The following PRDM16 variants were observed in gnomAD, a reference collection of about 807,000 sequenced individuals.
The protein encoded by PRDM16 is histone-lysine N-methyltransferase PRDM16.
Under a neutral mutation model 110.6 loss-of-function variants are expected in PRDM16, and 23 were observed. The ratio of observed to expected loss-of-function variants is 0.21; its 90% CI spans 0.15 to 0.29. The LOEUF is 0.29. PRDM16 is among the 10% of genes least tolerant of loss of function. PRDM16 has a pLI of 1.00. For synonymous variants in PRDM16, 799 were observed against 781.8 expected (o/e 1.02, Z -0.37); for missense variants, 1,615 against 1,794.3 (o/e 0.90, Z 1.81).
rs1161444800 is a variant in PRDM16, at chr1:3,438,598, C to T, written c.*4787C>T. ...TGAATTTATACATGAGATTGATATG[C>T]AATAAATCTGTGTGCTTTTCTAAGC... On this transcript the variant is annotated 3_prime_UTR_variant, in exon 17 of 17. Transcript: ENST00000270722. 1.1e-5 allele frequency: 2 copies of T among 187,960 alleles called. No individual in the cohort carries two copies. Among genetic ancestry groups the T allele is most frequent in the Non-Finnish European group, 2.2e-5 (2 of 89,230 alleles). 11.6% of individuals were successfully genotyped at this position (187,960 alleles called of 1,614,324 possible). A position where few individuals can be genotyped will look rare whatever the true frequency, so the allele number is the denominator to read the frequency against.
At chr1:3,180,363 T>C (rs955699430) in intron 1 of PRDM16, among the ~76,000 whole-genome samples, 1 of 152,082 alleles carries the variant, frequency 6.6e-6, no homozygotes, top group African/African-American at 2.4e-5. Context: ...GTGGGTGTTC[T>C]TTCCACTGAA....
At chr1:3,199,856 C>T (rs1377389229) in intron 2 of PRDM16, among the ~76,000 whole-genome samples, 1 of 152,232 alleles carries the variant, frequency 6.6e-6, no homozygotes, top group Non-Finnish European at 1.5e-5. Context: ...CACCCTGTCT[C>T]AAGTCTGAGC....
At chr1:3,070,642 C>G (rs1364330449) in intron 1 of PRDM16, among the ~76,000 whole-genome samples, 1 of 151,680 alleles carries the variant, frequency 6.6e-6, no homozygotes, top group Non-Finnish European at 1.5e-5. Flanking sequence ...CCCTCCAGGC[C>G]GGCCTCGCAG....
intron 1 of PRDM16, among the ~76,000 whole-genome samples, chr1:3,102,520 C>G (rs1314043410): frequency 6.6e-6 from 1 of 152,206 alleles, no homozygotes; most frequent in Non-Finnish European, 1.5e-5. Context: ...GGCATCCCGG[C>G]CTAGACAGGA....
intron 3 of PRDM16, among the ~76,000 whole-genome samples, chr1:3,270,752 AGGAGGAGGACAGTCCT>A (rs1465405023): frequency 8.1e-5 from 9 of 110,760 alleles, no homozygotes; most frequent in Middle Eastern, 5.2e-3. Context: ...GATGACAGTC[AGGAGGAGGACAGTCCT>A]GGAGGAGGAC....
intron 2 of PRDM16, among the ~76,000 whole-genome samples, chr1:3,200,602 G>C (rs4288533): frequency 0.019 from 2,917 of 152,292 alleles, 47 homozygotes; most frequent in Middle Eastern, 0.051. Flanking sequence ...TCGGCCTCCC[G>C]AAGTGCTGGG....
At chr1:3,376,591 C>T (rs1022405971) in intron 3 of PRDM16, among the ~76,000 whole-genome samples, 1 of 152,212 alleles carries the variant, frequency 6.6e-6, no homozygotes, top group Non-Finnish European at 1.5e-5. Context: ...CAGAGACAAG[C>T]CCCAGACAGC....
At chr1:3,120,495 G>A (rs946561539) in intron 1 of PRDM16, among the ~76,000 whole-genome samples, 4 of 152,206 alleles carry the variant, frequency 2.6e-5, no homozygotes, top group African/African-American at 9.6e-5. Flanking sequence ...GTGTGCACCA[G>A]GTCATTTCTT....
chr1:3,186,842 C>T (rs1644274699), intron 2 of PRDM16, among the ~76,000 whole-genome samples: 1 of 152,226 alleles, frequency 6.6e-6, no homozygotes, highest in South Asian at 2.1e-4. Flanking sequence ...CACTCCAGGG[C>T]TTCATTCCAG....
intron 3 of PRDM16, among the ~76,000 whole-genome samples, chr1:3,285,614 C>T (rs985915446): frequency 4.6e-5 from 7 of 152,192 alleles, no homozygotes; most frequent in African/African-American, 1.4e-4. Flanking sequence ...TCCACATTGG[C>T]CGTGGTCATA....
chr1:3,163,759 T>G (rs1028526740), intron 1 of PRDM16, among the ~76,000 whole-genome samples: 57 of 152,282 alleles, frequency 3.7e-4, no homozygotes, highest in African/African-American at 1.3e-3. Context: ...TGTGTGCATG[T>G]CATATTCTAC....
chr1:3,423,773 T>C (rs1017366144), intron 12 of PRDM16, among the ~76,000 whole-genome samples: 6 of 152,178 alleles, frequency 3.9e-5, no homozygotes, highest in Admixed American at 3.9e-4. Flanking sequence ...TGGCCTGGTC[T>C]CCAGCTGCTA....
intron 1 of PRDM16, among the ~76,000 whole-genome samples, chr1:3,119,105 G>C (rs1288567467): frequency 6.6e-6 from 1 of 152,214 alleles, no homozygotes; most frequent in East Asian, 1.9e-4. Flanking sequence ...TTCAGGCCAA[G>C]GGCCTTTTTG....
rs1033468647 is a variant in PRDM16 at position 3,382,195 on chromosome 1, G to C, written c.439-2957G>C. ...CTGGTGGCCCTGGGTCTGCACCCTA[G>C]AGGATGGGAAGCCTGCCTCCCTAGT... On this transcript the variant is annotated intron_variant, in intron 3 of 16. Transcript: ENST00000270722. The surrounding 1 kb of genome is among the most constrained non-coding windows in gnomAD (Gnocchi z 6.6). 2.0e-4 allele frequency among the ~76,000 whole-genome samples: 31 copies of C among 152,332 alleles called. 1 individual carries two copies. Among genetic ancestry groups the C allele is most frequent in the African/African-American group, 6.3e-4 (26 of 41,584 alleles).
intron 3 of PRDM16, among the ~76,000 whole-genome samples, chr1:3,332,539 T>G (rs1642062813): frequency 6.6e-6 from 1 of 152,160 alleles, no homozygotes; most frequent in African/African-American, 2.4e-5. Flanking sequence ...ATCGGTCTTA[T>G]GCTTCAAGGG....
intron 2 of PRDM16, among the ~76,000 whole-genome samples, chr1:3,232,838 T>C (rs1250645075): frequency 6.6e-6 from 1 of 152,074 alleles, no homozygotes; most frequent in Non-Finnish European, 1.5e-5. Flanking sequence ...GAGGTCAGAT[T>C]CTCCCACCCA....
At chr1:3,193,149 G>T (rs77038162) in intron 2 of PRDM16, among the ~76,000 whole-genome samples, 2 of 152,132 alleles carry the variant, frequency 1.3e-5, no homozygotes. Flanking sequence ...CCCAGCAGAC[G>T]CAGCGGCTTA....
chr1:3,096,353 G>A (rs1642400230), intron 1 of PRDM16, among the ~76,000 whole-genome samples: 1 of 152,144 alleles, frequency 6.6e-6, no homozygotes, highest in South Asian at 2.1e-4. Context: ...CCTGCCCGCA[G>A]GACCCCCAGG....
chr1:3,426,120 A>G lies in PRDM16; in HGVS notation c.3179A>G (p.Asp1060Gly). 1 of 1,614,028 alleles carries G rather than the reference A, an allele frequency of 6.2e-7. No homozygotes were observed. The highest frequency in any genetic ancestry group is 8.5e-7 in the Non-Finnish European group (1 of 1,179,992). ...TSASSPTSES[D>G]NHALLDEKED... ...GCGTCCTCTCCCACCTCAGAGTCGG[A>G]CAACCACGCACTTTTAGACGAGAAA... The change falls in exon 14 of 17, where the codon GAC becomes GGC. Residue 1060 changes from aspartate to glycine, a missense_variant. Coordinates refer to ENST00000270722, the MANE Select transcript of PRDM16 (RefSeq NM_022114.4).
Sources: allele counts gnomAD v4.1 joint callset (sites outside exome capture counted in the v4.1 genomes callset), GRCh38; gene constraint gnomAD v4.1.1; non-coding constraint Gnocchi (gnomAD v3.1); transcripts MANE v1.5; gene names NCBI Gene and HGNC (gene_info 2026-07-23, HGNC 2026-07-21).